Variants in ABLIM2 observed in about 807,000 individuals in gnomAD.
The protein encoded by ABLIM2 is actin binding LIM protein family member 2.
In ABLIM2, 53 loss-of-function variants were observed where a neutral mutation model predicts 97.7. That is an observed-to-expected ratio of 0.54 (90% CI 0.44 to 0.68). The LOEUF (loss-of-function observed/expected upper bound fraction) is 0.68. Ranked by LOEUF, ABLIM2 falls within the 30% of genes least tolerant of loss-of-function variation. The pLI is 0.00. For synonymous variants in ABLIM2, 361 were observed against 345.8 expected, an observed-to-expected ratio of 1.04 and a Z score of -0.49; for missense variants, 835 against 867.2, an observed-to-expected ratio of 0.96 and a Z score of 0.47.
At chr4:8,000,456 G>A (rs1457181364) in intron 16 of ABLIM2, among the ~76,000 whole-genome samples, 2 of 152,148 alleles carry the variant, frequency 1.3e-5, no homozygotes, top group African/African-American at 2.4e-5. Flanking sequence ...CACACAGCAA[G>A]GGACGGGCTG....
In ABLIM2 at chr4:8,082,395, C is replaced by T. The variant is rs1194791898; in HGVS notation, c.455-1593G>A. Among the ~76,000 whole-genome samples, 1 of 152,212 alleles carries T rather than the reference C, an allele frequency of 6.6e-6. No homozygotes were observed. The highest frequency in any genetic ancestry group is 1.5e-5 in the Non-Finnish European group (1 of 68,048). ...TCCAGTGCTAATTTACACAGAAGAC[C>T]TGGCCCAAAGCCTTGCGCATCCCGG... On this transcript the variant is annotated intron_variant, in intron 4 of 20. Transcript: ENST00000447017. The surrounding 1 kb of genome is among the most constrained non-coding windows in gnomAD (Gnocchi z 5.6).
At position 8,058,032 on chromosome 4, in the gene ABLIM2, C is replaced by T. The variant is rs1486678880; in HGVS notation, c.763+2935G>A. Among the ~76,000 whole-genome samples the T allele has an allele frequency of 6.6e-6, 1 of 152,232 alleles. No homozygotes were observed. The highest frequency in any genetic ancestry group is 2.4e-5 in the African/African-American group (1 of 41,460). On this transcript the variant is annotated intron_variant, in intron 7 of 20. Transcript: ENST00000447017. This position sits in a 1 kb window ranked among gnomAD's most constrained non-coding sequence, Gnocchi z 4.2. ...GGACAGGCCTGGGTTCGACATCCCA[C>T]AGAACCTCACAGCAGAAGCGGGGGC...
chr4:7,980,625 G>T, intron 20 of ABLIM2, among the ~76,000 whole-genome samples: 1 of 151,134 alleles, frequency 6.6e-6, no homozygotes. Context: ...TGAGGCAGAA[G>T]AATCACTTGA....
At position 8,043,786 on chromosome 4, in the gene ABLIM2, CCTT is replaced by C. The variant is rs1056382337; in HGVS notation, c.900+1375_900+1377del. 6.6e-6 allele frequency among the ~76,000 whole-genome samples: 1 copy of C among 152,204 alleles called. No homozygotes were observed. The highest frequency in any genetic ancestry group is 1.5e-5 in the Non-Finnish European group (1 of 68,030). ...TAACGGCAGCAAGCGTTTCCCACAG[CCTT>C]CTTCTGGGCAGGCGCTGTGCTCACT... is the stretch of plus-strand genomic sequence containing the variant. On this transcript the variant is annotated intron_variant, in intron 9 of 20. Coordinates refer to ENST00000447017, the MANE Select transcript of ABLIM2 (RefSeq NM_001130083.2). The surrounding 1 kb of genome is among the most constrained non-coding windows in gnomAD (Gnocchi z 4.8).
chr4:8,074,172 T>G (rs1177701591), intron 6 of ABLIM2, among the ~76,000 whole-genome samples: 1 of 144,144 alleles, frequency 6.9e-6, no homozygotes, highest in Admixed American at 7.0e-5. Context: ...AGCTAGACCC[T>G]GCAGGGTGCG....
At chr4:8,011,639 G>C (rs980984524) in intron 14 of ABLIM2, among the ~76,000 whole-genome samples, 1 of 152,238 alleles carries the variant, frequency 6.6e-6, no homozygotes, top group African/African-American at 2.4e-5. Context: ...AGGCTAATTT[G>C]CAGCATGCTG....
chr4:8,129,512 T>G (rs1450232830), intron 1 of ABLIM2, among the ~76,000 whole-genome samples: 3 of 152,230 alleles, frequency 2.0e-5, no homozygotes, highest in Non-Finnish European at 4.4e-5. Context: ...GCAATAAGAC[T>G]AAGACACGCT....
intron 1 of ABLIM2, among the ~76,000 whole-genome samples, chr4:8,110,754 G>T (rs1026899427): frequency 6.6e-6 from 1 of 152,200 alleles, no homozygotes; most frequent in Non-Finnish European, 1.5e-5. Context: ...CCTCCGAGGC[G>T]TCCGGGGGCT....
chr4:8,133,999 G>A (rs1008421858), intron 1 of ABLIM2, among the ~76,000 whole-genome samples: 8 of 152,306 alleles, frequency 5.3e-5, no homozygotes, highest in South Asian at 2.1e-4. Context: ...GGGGGGTGAC[G>A]AACAGTGAAC....
At chr4:8,008,279 G>C in intron 15 of ABLIM2, 79 bp from the exon 16 acceptor site, 1 of 1,386,168 alleles carries the variant, frequency 7.2e-7, no homozygotes, top group Non-Finnish European at 1.0e-6. Context: ...CCTTCTTGTA[G>C]CTTCCTTACT....
intron 8 of ABLIM2, among the ~76,000 whole-genome samples, chr4:8,053,427 T>G (rs1797232972): frequency 6.6e-6 from 1 of 152,248 alleles, no homozygotes; most frequent in African/African-American, 2.4e-5. Flanking sequence ...CTCCTGAGGC[T>G]GTGTCACGGG....
intron 1 of ABLIM2, among the ~76,000 whole-genome samples, chr4:8,143,450 G>A (rs1851336204): frequency 6.6e-6 from 1 of 152,062 alleles, no homozygotes; most frequent in African/African-American, 2.4e-5. Flanking sequence ...AGGGCCTAAG[G>A]TCAGGGCACG....
chr4:8,020,642 A>T (rs925876558), intron 12 of ABLIM2: 6 of 349,654 alleles, frequency 1.7e-5, no homozygotes, highest in Non-Finnish European at 2.1e-5. Flanking sequence ...AATCCAACCA[A>T]CTGCAAATTC....
chr4:8,129,906 C>A (rs1347680749), intron 1 of ABLIM2, among the ~76,000 whole-genome samples: 1 of 152,232 alleles, frequency 6.6e-6, no homozygotes, highest in Non-Finnish European at 1.5e-5. Context: ...GAGACCTCTT[C>A]CATGCTCAGA....
At position 8,148,731 on chromosome 4, in the gene ABLIM2, C is replaced by CA. The variant is rs1711527970; in HGVS notation, c.10+9948dup. 6.6e-6 allele frequency among the ~76,000 whole-genome samples: 1 copy of CA among 152,194 alleles called. No homozygotes were observed. The highest frequency in any genetic ancestry group is 2.1e-4 in the South Asian group (1 of 4,832). On this transcript the variant is annotated intron_variant, in intron 1 of 20. Transcript: ENST00000447017. This position sits in a 1 kb window ranked among gnomAD's most constrained non-coding sequence, Gnocchi z 6.7. The stretch of plus-strand genomic sequence containing the variant: ...CATTGCCCCAAACCACACAGGAACT[C>CA]AGAGTCGGAAAGATCCTCTAGGACA...
rs1033538417 is a variant in ABLIM2 at position 7,970,477 on chromosome 4, G to A, written c.1825-3374C>T. Among the ~76,000 whole-genome samples the A allele has an allele frequency of 2.6e-5, 4 of 152,106 alleles. No homozygotes were observed. The highest frequency in any genetic ancestry group is 7.2e-5 in the African/African-American group (3 of 41,438). On this transcript the variant is annotated intron_variant, in intron 20 of 20. Transcript: ENST00000447017. This position sits in a 1 kb window ranked among gnomAD's most constrained non-coding sequence, Gnocchi z 5.3. ...GTCTTTGCTGGAGGAGGGAGGAGTG[G>A]AGAGGGAGCGGATGGTGGGCAGGCG...
chr4:8,047,510 C>T (rs1033482675), intron 8 of ABLIM2, among the ~76,000 whole-genome samples: 13 of 152,284 alleles, frequency 8.5e-5, no homozygotes, highest in East Asian at 3.9e-4. Flanking sequence ...CCTGGGACCA[C>T]GGATTTCTGC....
intron 20 of ABLIM2, among the ~76,000 whole-genome samples, chr4:7,980,208 A>G (rs773522991): frequency 6.6e-6 from 1 of 152,154 alleles, no homozygotes; most frequent in African/African-American, 2.4e-5. Context: ...TGAAGGGAAG[A>G]GGGGGCGAGT....
At chr4:8,139,146 G>A (rs557921052) in intron 1 of ABLIM2, among the ~76,000 whole-genome samples, 3 of 150,910 alleles carry the variant, frequency 2.0e-5, no homozygotes, top group East Asian at 2.0e-4. Flanking sequence ...GCAGGGAGCC[G>A]AGATTGCACC....
Sources: allele counts gnomAD v4.1 joint callset (sites outside exome capture counted in the v4.1 genomes callset), GRCh38; gene constraint gnomAD v4.1.1; non-coding constraint Gnocchi (gnomAD v3.1); transcripts MANE v1.5; gene names NCBI Gene and HGNC (gene_info 2026-07-23, HGNC 2026-07-21).